SLC2A13: variants seen among roughly 807,000 people sequenced by gnomAD.
The protein encoded by SLC2A13 is solute carrier family 2 member 13.
SLC2A13 carries 32 observed loss-of-function variants against 64.4 expected under a neutral mutation model. The observed-to-expected ratio is 0.50, with a 90% confidence interval of 0.37 to 0.67. The LOEUF (loss-of-function observed/expected upper bound fraction) is 0.67. Ranked by LOEUF, SLC2A13 falls within the 30% of genes least tolerant of loss-of-function variation. SLC2A13 has a pLI of 0.00. For synonymous variants in SLC2A13, 338 were observed against 327.1 expected, an observed-to-expected ratio of 1.03 and a Z score of -0.36; for missense variants, 743 against 829.2, an observed-to-expected ratio of 0.90 and a Z score of 1.28.
chr12:39,984,332 A>T (rs1033822777), intron 3 of SLC2A13, among the ~76,000 whole-genome samples: 1 of 152,116 alleles, frequency 6.6e-6, no homozygotes, highest in African/African-American at 2.4e-5. Flanking sequence ...AGTATAATAA[A>T]AAAAAAAGTG....
chr12:39,939,710 G>A (rs1272364095), intron 4 of SLC2A13, among the ~76,000 whole-genome samples: 1 of 152,194 alleles, frequency 6.6e-6, no homozygotes, highest in Non-Finnish European at 1.5e-5. Context: ...CATGTGGTAA[G>A]CATTTAATAA....
intron 3 of SLC2A13, among the ~76,000 whole-genome samples, chr12:39,987,087 T>C: frequency 6.6e-6 from 1 of 152,162 alleles, no homozygotes; most frequent in Non-Finnish European, 1.5e-5. Context: ...TTAAGAAAAA[T>C]GGCTTTCCCT....
chr12:40,059,294 C>T (rs1426514014), intron 1 of SLC2A13, among the ~76,000 whole-genome samples: 2 of 152,022 alleles, frequency 1.3e-5, no homozygotes, highest in Admixed American at 1.3e-4. Context: ...GAGTCAATAC[C>T]CTATGCCAGA....
At chr12:39,963,772 TTGAG>T (rs1207276386) in intron 3 of SLC2A13, among the ~76,000 whole-genome samples, 1 of 152,208 alleles carries the variant, frequency 6.6e-6, no homozygotes, top group African/African-American at 2.4e-5. Flanking sequence ...TATATGGATA[TTGAG>T]TAATATTCTA....
At chr12:39,863,643 TCTA>T (rs1326725328) in intron 6 of SLC2A13, among the ~76,000 whole-genome samples, 1 of 152,178 alleles carries the variant, frequency 6.6e-6, no homozygotes, top group African/African-American at 2.4e-5. Flanking sequence ...ATGGTTAACT[TCTA>T]CTATGAAGAC....
chr12:39,912,036 C>T (rs1945440494), intron 4 of SLC2A13, among the ~76,000 whole-genome samples: 1 of 152,116 alleles, frequency 6.6e-6, no homozygotes, highest in Middle Eastern at 3.4e-3. Context: ...AGGTGCTGAA[C>T]CAGATTTGGA....
At chr12:40,079,202 A>G (rs2136281034) in intron 1 of SLC2A13, among the ~76,000 whole-genome samples, 1 of 152,222 alleles carries the variant, frequency 6.6e-6, no homozygotes, top group Middle Eastern at 3.4e-3. Context: ...TAGTTCCTCT[A>G]GGTGTGATGC....
At chr12:40,036,337 A>G (rs566630854) in intron 2 of SLC2A13, among the ~76,000 whole-genome samples, 1 of 152,222 alleles carries the variant, frequency 6.6e-6, no homozygotes, top group Admixed American at 6.5e-5. Context: ...TAAAATTTAT[A>G]TACAAGAAAA....
intron 4 of SLC2A13, among the ~76,000 whole-genome samples, chr12:39,930,178 A>G (rs1945800556): frequency 6.6e-6 from 1 of 151,802 alleles, no homozygotes. Flanking sequence ...GCACCTACTT[A>G]CTACTATAGG....
At chr12:39,775,262 G>C (rs1940735852) in intron 7 of SLC2A13, among the ~76,000 whole-genome samples, 1 of 152,196 alleles carries the variant, frequency 6.6e-6, no homozygotes, top group Non-Finnish European at 1.5e-5. Flanking sequence ...GGCCACAAAG[G>C]TTGGTCTGGA....
intron 1 of SLC2A13, among the ~76,000 whole-genome samples, chr12:40,056,069 C>T (rs1040858994): frequency 6.6e-6 from 1 of 150,772 alleles, no homozygotes; most frequent in African/African-American, 2.4e-5. Flanking sequence ...TACAACAAAC[C>T]CTGGTTTGGC....
intron 2 of SLC2A13, among the ~76,000 whole-genome samples, chr12:40,031,808 T>C (rs1947909597): frequency 6.6e-6 from 1 of 152,124 alleles, no homozygotes; most frequent in African/African-American, 2.4e-5. Context: ...TGTTTTGCTG[T>C]GGTACTAATA....
intron 7 of SLC2A13, among the ~76,000 whole-genome samples, chr12:39,809,280 T>A (rs1942073466): frequency 6.6e-6 from 1 of 152,230 alleles, no homozygotes; most frequent in South Asian, 2.1e-4. Flanking sequence ...TTATGTCTAT[T>A]TTACCAACAT....
At chr12:40,087,429 G>A (rs979524918) in intron 1 of SLC2A13, among the ~76,000 whole-genome samples, 31 of 152,134 alleles carry the variant, frequency 2.0e-4, no homozygotes, top group African/African-American at 6.0e-4. Context: ...ATATCAAAAC[G>A]CTTTAAGCTT....
chr12:40,058,008 G>T lies in SLC2A13; in HGVS notation c.557-9798C>A, dbSNP rs775313103. ...ATCTTTCCATCTAGGGCATACAAAT[G>T]TCCCTATGCTGCTTACACTTGAAAA... On this transcript the variant is annotated intron_variant, in intron 1 of 9. Coordinates refer to ENST00000280871, the MANE Select transcript of SLC2A13 (RefSeq NM_052885.4). 1.6e-3 allele frequency among the ~76,000 whole-genome samples: 245 copies of T among 151,736 alleles called. 1 individual carries two copies. The highest frequency in any genetic ancestry group is 2.7e-3 in the Non-Finnish European group (185 of 67,946).
chr12:39,977,050 A>C (rs1946773359), intron 3 of SLC2A13, among the ~76,000 whole-genome samples: 1 of 152,168 alleles, frequency 6.6e-6, no homozygotes, highest in Admixed American at 6.5e-5. Flanking sequence ...AAATGACTGG[A>C]TTTCATAGAG....
chr12:39,811,155 A>G (rs1029779023), intron 7 of SLC2A13, among the ~76,000 whole-genome samples: 1 of 152,032 alleles, frequency 6.6e-6, no homozygotes, highest in Non-Finnish European at 1.5e-5. Context: ...CATTTATTAG[A>G]AGTGCTCTCT....
intron 2 of SLC2A13, among the ~76,000 whole-genome samples, chr12:40,046,078 G>A (rs991983505): frequency 6.6e-6 from 1 of 152,196 alleles, no homozygotes; most frequent in Non-Finnish European, 1.5e-5. Context: ...TATCTGCCAT[G>A]TGCCAAGTGC....
At position 39,916,445 on chromosome 12, in the gene SLC2A13, A is replaced by C. The variant is rs942021048; in HGVS notation, c.1034+34812T>G. On this transcript the variant is annotated intron_variant, in intron 4 of 9. Transcript: ENST00000280871. ...ATTTCCTTCTACTGCTAAAACCTTA[A>C]TTCTGAATATGGAAGCCTTAGCTGC... is the stretch of plus-strand genomic sequence containing the variant. Among the ~76,000 whole-genome samples the C allele has an allele frequency of 2.0e-4, 31 of 152,236 alleles. 1 individual carries two copies. The South Asian group carries it at 6.4e-3, about 32-fold the overall frequency.
Sources: gnomAD v4.1 joint callset for allele counts (sites outside exome capture counted in the v4.1 genomes callset) on GRCh38, gnomAD v4.1.1 for gene constraint, MANE v1.5 for transcripts, NCBI Gene and HGNC (gene_info 2026-07-23, HGNC 2026-07-21) for gene names.